Variants in AGT observed in about 807,000 individuals in gnomAD.
AGT encodes angiotensinogen.
A neutral mutation model predicts 28.1 loss-of-function variants in AGT; 26 were observed. The observed-to-expected ratio is 0.92, with a 90% CI of 0.68 to 1.28. The LOEUF is 1.28. Among genes scored for constraint, AGT ranks in the 50% most tolerant of loss-of-function variants. The pLI is 0.00. For synonymous variants in AGT, 259 were observed against 259.6 expected (o/e 1.00, Z 0.02); for missense variants, 596 against 592.3 (o/e 1.01, Z -0.06).
chr1:230,702,952 T>G lies in AGT; in HGVS notation c.*189A>C. ...GCCGCTGCAGGCTTCTACTGCTCAC[T>G]CCATGCAGCACACTTAGACCAAGGA... On this transcript the variant is annotated 3_prime_UTR_variant, in exon 5 of 5. Transcript: ENST00000366667. The G allele has an allele frequency of 1.6e-6, 1 of 644,326 alleles. No homozygotes were observed. Among genetic ancestry groups the G allele is most frequent in the East Asian group, 2.8e-5 (1 of 36,228 alleles). The allele number at this position is 644,326 out of a possible 1,614,324, so 39.9% of individuals were successfully genotyped here. A position where few individuals can be genotyped will look rare whatever the true frequency, so the allele number is the denominator to read the frequency against.
chr1:230,714,906 G>A (rs1326465083), upstream of AGT, among the ~76,000 whole-genome samples: 1 of 152,174 alleles, frequency 6.6e-6, no homozygotes, highest in Non-Finnish European at 1.5e-5. Flanking sequence ...TTATAACAGG[G>A]CATGACAGAG....
In AGT at chr1:230,704,265, A is replaced by G. The variant is rs1235856975; in HGVS notation, c.1170T>C (p.Ala390=). The G allele has an allele frequency of 6.2e-7, 1 of 1,614,176 alleles. No homozygotes were observed. Among genetic ancestry groups the G allele is most frequent in the Non-Finnish European group, 8.5e-7 (1 of 1,179,990 alleles). The change falls in exon 4 of 5, where the codon GCT becomes GCC. Residue 390 remains alanine, a synonymous_variant. Coordinates refer to ENST00000366667, the MANE Select transcript of AGT (RefSeq NM_001384479.1). ...CGGTGTGCAGAATGGCGGGCAGCTCAGCCTGGGCGAGCAGGTCCTGCAGGT... is the reference window on the plus strand; with the variant it reads ...CGGTGTGCAGAATGGCGGGCAGCTCGGCCTGGGCGAGCAGGTCCTGCAGGT... ...SYDLQDLLAQ[A]ELPAILHTEL... is the part of the protein sequence containing the mutation.
chr1:230,732,897 T>C (rs1371753665), intron 1 of AGT, among the ~76,000 whole-genome samples: 1 of 152,076 alleles, frequency 6.6e-6, no homozygotes, highest in Non-Finnish European at 1.5e-5. Context: ...CAACGGTATT[T>C]GAGGACTATA....
chr1:230,726,351 G>A (rs373928572), intron 1 of AGT, among the ~76,000 whole-genome samples: 57 of 152,140 alleles, frequency 3.7e-4, no homozygotes, highest in South Asian at 8.3e-4. Flanking sequence ...TTGAATCCAA[G>A]CATTTTGTCC....
At chr1:230,719,369 ATTTC>A (rs1207231705), upstream of AGT, among the ~76,000 whole-genome samples, 1 of 148,176 alleles carries the variant, frequency 6.7e-6, no homozygotes, top group African/African-American at 2.5e-5. Context: ...ATTGCAGCAC[ATTTC>A]TTTCTATTTT....
At chr1:230,730,185 T>G (rs1193788976) in intron 1 of AGT, among the ~76,000 whole-genome samples, 1 of 151,878 alleles carries the variant, frequency 6.6e-6, no homozygotes, top group Non-Finnish European at 1.5e-5. Context: ...CCTCCCACAG[T>G]GCTGGGATTA....
At chr1:230,703,834 T>A (rs1250681795) in intron 4 of AGT, among the ~76,000 whole-genome samples, 1 of 152,216 alleles carries the variant, frequency 6.6e-6, no homozygotes, top group Non-Finnish European at 1.5e-5. Flanking sequence ...GCTCAGCATT[T>A]CCCTGAAGAA....
intron 1 of AGT, among the ~76,000 whole-genome samples, chr1:230,731,866 CA>C (rs955228442): frequency 3.0e-4 from 45 of 151,548 alleles, no homozygotes; most frequent in African/African-American, 1.1e-3. Flanking sequence ...GACTCCATCT[CA>C]AAAAAAATAA....
At position 230,702,898 on chromosome 1, in the gene AGT, A is replaced by T; in HGVS notation, c.*243T>A. ...CCTCCCCACCCCCATTCTCTAAAAT[A>T]AACCCAGCAAACTGGGAGGTGCATT... On this transcript the variant is annotated 3_prime_UTR_variant, in exon 5 of 5. Coordinates refer to ENST00000366667, the MANE Select transcript of AGT (RefSeq NM_001384479.1). 1.8e-6 allele frequency: 1 copy of T among 555,010 alleles called. No individual in the cohort carries two copies. The allele number at this position is 555,010 out of a possible 1,614,324, so 34.4% of individuals were successfully genotyped here.
At chr1:230,744,740 C>T (rs1041056604) in intron 1 of AGT, among the ~76,000 whole-genome samples, 3 of 152,320 alleles carry the variant, frequency 2.0e-5, no homozygotes, top group Non-Finnish European at 4.4e-5. Flanking sequence ...AGACCCCAGC[C>T]TGGAGAGGTG....
At chr1:230,707,979 T>C (rs1663443868) in intron 2 of AGT, among the ~76,000 whole-genome samples, 1 of 152,178 alleles carries the variant, frequency 6.6e-6, no homozygotes, top group South Asian at 2.1e-4. Flanking sequence ...AGGTCCTCTC[T>C]AGTGGGACAC....
Position 230,702,794 on chromosome 1 carries a change from C to T in AGT, c.*347G>A, listed in dbSNP as rs1663269207. On this transcript the variant is annotated 3_prime_UTR_variant, in exon 5 of 5. Coordinates refer to ENST00000366667, the MANE Select transcript of AGT (RefSeq NM_001384479.1). ...TTTTGTTCTCAACTTGAAAAGGGAACACTTTTTTGTTTCACAAACAAGCTG... is the reference window on the plus strand; with the variant it reads ...TTTTGTTCTCAACTTGAAAAGGGAATACTTTTTTGTTTCACAAACAAGCTG... 1.1e-5 allele frequency: 3 copies of T among 283,834 alleles called. No individual in the cohort carries two copies. The East Asian group carries it at 2.1e-4, about 20-fold the overall frequency. 17.6% of individuals were successfully genotyped at this position (283,834 alleles called of 1,614,324 possible).
Position 230,704,220 on chromosome 1 carries a change from C to A in AGT, c.1215G>T (p.Leu405Phe). Residue 405 changes from leucine (L) to phenylalanine (F), a missense_variant, in exon 4 of 5, where the codon TTG becomes TTT. By Grantham distance (22) the Leu-to-Phe change is conservative (BLOSUM62 0). Transcript: ENST00000366667. ...ILHTELNLQK[L>F]SNDRIRVGEV... ...CCCCCACCCTGATGCGGTCATTGCT[C>A]AATTTTTGCAGGTTCAGCTCGGTGT... The A allele has an allele frequency of 6.2e-7, 1 of 1,614,252 alleles. No homozygotes were observed. The highest frequency in any genetic ancestry group is 1.1e-5 in the South Asian group (1 of 91,076).
rs140964843 is a variant in AGT at position 230,710,108 on chromosome 1, G to A, written c.716C>T (p.Ala239Val). The A allele has an allele frequency of 3.7e-6, 6 of 1,614,204 alleles. No homozygotes were observed. The highest frequency in any genetic ancestry group is 5.1e-6 in the Non-Finnish European group (6 of 1,180,048). The change falls in exon 2 of 5, where the codon GCT (alanine) becomes GTT (valine). Residue 239 changes from alanine to valine, a missense_variant. Physicochemically the swap from Ala to Val is moderately conservative, Grantham distance 64. Coordinates refer to ENST00000366667, the MANE Select transcript of AGT (RefSeq NM_001384479.1). ...SLDFTELDVA[A>V]EKIDRFMQAV... ...CTGCATGAACCTGTCAATCTTCTCAGCAGCAACATCCAGTTCTGTGAAGTC... is the reference window on the plus strand; with the variant it reads ...CTGCATGAACCTGTCAATCTTCTCAACAGCAACATCCAGTTCTGTGAAGTC...
intron 1 of AGT, among the ~76,000 whole-genome samples, chr1:230,722,476 C>T (rs1410984249): frequency 6.6e-6 from 1 of 152,226 alleles, no homozygotes; most frequent in African/African-American, 2.4e-5. Flanking sequence ...ATCCACCTGG[C>T]TTGCACCATG....
chr1:230,733,231 C>T (rs903737803), intron 1 of AGT, among the ~76,000 whole-genome samples: 1 of 151,862 alleles, frequency 6.6e-6, no homozygotes, highest in African/African-American at 2.4e-5. Flanking sequence ...TGCAGTGAGC[C>T]GAGATTGCGC....
chr1:230,739,448 G>A (rs1664207072), intron 1 of AGT, among the ~76,000 whole-genome samples: 1 of 152,164 alleles, frequency 6.6e-6, no homozygotes, highest in Admixed American at 6.5e-5. Context: ...AGCAGGGCAT[G>A]AGATGGTGTG....
chr1:230,729,353 C>T (rs758569229), intron 1 of AGT, among the ~76,000 whole-genome samples: 2 of 152,214 alleles, frequency 1.3e-5, no homozygotes, highest in African/African-American at 4.8e-5. Flanking sequence ...TTAATTCTCC[C>T]GGTTGAAAAT....
intron 1 of AGT, among the ~76,000 whole-genome samples, chr1:230,730,083 G>T (rs985299963): frequency 2.0e-5 from 3 of 151,938 alleles, no homozygotes; most frequent in Non-Finnish European, 4.4e-5. Flanking sequence ...GATCCGCCCG[G>T]CTAATTTTTG....
Sources: allele counts gnomAD v4.1 joint callset (sites outside exome capture counted in the v4.1 genomes callset), GRCh38; gene constraint gnomAD v4.1.1; transcripts MANE v1.5; gene names NCBI Gene and HGNC (gene_info 2026-07-23, HGNC 2026-07-21).